GXYLT1: variants seen among roughly 807,000 people sequenced by gnomAD.
GXYLT1 encodes glucoside xylosyltransferase 1.
In GXYLT1, 29 loss-of-function variants were observed where a neutral mutation model predicts 54.0. The observed-to-expected ratio is 0.54, with a 90% CI of 0.40 to 0.73. The LOEUF (loss-of-function observed/expected upper bound fraction) is 0.73, where lower values mean the gene tolerates loss of function less well. GXYLT1 is among the 30% of genes least tolerant of loss of function. The probability of loss-of-function intolerance (pLI) is 0.00; values close to 1 mark genes in which losing one functional copy is unlikely to be tolerated. For missense variants in GXYLT1, 490 were observed against 553.4 expected (o/e 0.89, Z 1.15); for synonymous variants, 176 against 204.1 (o/e 0.86, Z 1.17).
At chr12:42,115,554 C>T (rs1215609843) in intron 3 of GXYLT1, among the ~76,000 whole-genome samples, 1 of 152,080 alleles carries the variant, frequency 6.6e-6, no homozygotes, top group Non-Finnish European at 1.5e-5. Flanking sequence ...AAGAAAATAC[C>T]TAGGAATCCA....
intron 3 of GXYLT1, among the ~76,000 whole-genome samples, chr12:42,111,251 T>A (rs1226712043): frequency 6.6e-6 from 1 of 152,198 alleles, no homozygotes; most frequent in Non-Finnish European, 1.5e-5. Context: ...GGTACCGGGT[T>A]CATCTCACTG....
chr12:42,098,881 T>C (rs2065373831), intron 5 of GXYLT1, among the ~76,000 whole-genome samples: 1 of 151,432 alleles, frequency 6.6e-6, no homozygotes, highest in Non-Finnish European at 1.5e-5. Context: ...TTCCATTTTA[T>C]ATTCTAAAAG....
At chr12:42,112,195 A>C (rs1184252032) in intron 3 of GXYLT1, among the ~76,000 whole-genome samples, 1 of 152,208 alleles carries the variant, frequency 6.6e-6, no homozygotes, top group Non-Finnish European at 1.5e-5. Context: ...AGATGGGGAA[A>C]AAAACAGAGC....
intron 2 of GXYLT1, among the ~76,000 whole-genome samples, chr12:42,123,782 A>G (rs2065545015): frequency 1.3e-5 from 2 of 152,098 alleles, no homozygotes; most frequent in Admixed American, 1.3e-4. Flanking sequence ...TCAAATAACC[A>G]TCTACTAAAA....
chr12:42,133,837 C>A (rs7298660), intron 1 of GXYLT1, among the ~76,000 whole-genome samples: 1,697 of 152,202 alleles, frequency 0.011, 30 homozygotes, highest in African/African-American at 0.038. Flanking sequence ...AGAGACCTAA[C>A]CAACACCCAG....
intron 3 of GXYLT1, among the ~76,000 whole-genome samples, chr12:42,112,937 C>G (rs1379200688): frequency 1.3e-5 from 2 of 151,230 alleles, no homozygotes; most frequent in African/African-American, 4.9e-5. Flanking sequence ...GATCTCTCGG[C>G]AGAAACTCTA....
chr12:42,095,213 C>A (rs954268733), intron 7 of GXYLT1, among the ~76,000 whole-genome samples: 1 of 152,114 alleles, frequency 6.6e-6, no homozygotes, highest in African/African-American at 2.4e-5. Flanking sequence ...TACAAACAAT[C>A]CCTATGGAGG....
intron 7 of GXYLT1, among the ~76,000 whole-genome samples, chr12:42,091,702 CA>C (rs2065330256): frequency 6.6e-6 from 1 of 152,180 alleles, no homozygotes; most frequent in Non-Finnish European, 1.5e-5. Flanking sequence ...GTTTATAGGA[CA>C]AGAAACTTAG....
rs1171497890 is a variant in GXYLT1, at chr12:42,084,980, C to T, written c.*2806G>A. On this transcript the variant is annotated 3_prime_UTR_variant, in exon 8 of 8. Coordinates refer to ENST00000398675, the MANE Select transcript of GXYLT1 (RefSeq NM_173601.2). Reference sequence around the variant, plus strand: ...TAATAAATCATGTAGTTTATATAAACTGCATAGATACACTATGTTTTATGA... The same window carrying T: ...TAATAAATCATGTAGTTTATATAAATTGCATAGATACACTATGTTTTATGA... 6.6e-6 allele frequency: 1 copy of T among 152,004 alleles called. No homozygotes were observed. The highest frequency in any genetic ancestry group is 1.5e-5 in the Non-Finnish European group (1 of 67,994). 9.4% of individuals were successfully genotyped at this position (152,004 alleles called of 1,614,324 possible).
At chr12:42,107,306 G>A (rs2065427053) in intron 4 of GXYLT1, among the ~76,000 whole-genome samples, 1 of 152,050 alleles carries the variant, frequency 6.6e-6, no homozygotes, top group Admixed American at 6.5e-5. Context: ...CTCACTATCA[G>A]CTGATTTAAT....
chr12:42,109,829 C>A, intron 3 of GXYLT1, 138 bp from the exon 4 acceptor site: 2 of 539,902 alleles, frequency 3.7e-6, no homozygotes. Context: ...AGGAAAGATT[C>A]TTCTGTTCCA....
intron 7 of GXYLT1, among the ~76,000 whole-genome samples, chr12:42,088,896 CAA>C (rs757592373): frequency 1.3e-5 from 2 of 149,944 alleles, no homozygotes; most frequent in African/African-American, 2.4e-5. Context: ...AGAACCACCC[CAA>C]GCACACTTAG....
At chr12:42,130,955 C>A (rs2136916366) in intron 1 of GXYLT1, among the ~76,000 whole-genome samples, 1 of 151,906 alleles carries the variant, frequency 6.6e-6, no homozygotes, top group African/African-American at 2.4e-5. Flanking sequence ...CTGTCTCAAA[C>A]AAAAACAAAA....
rs145133848 is a variant in GXYLT1, at chr12:42,107,461, C to T, written c.613-1392G>A. Among the ~76,000 whole-genome samples the T allele has an allele frequency of 5.9e-5, 9 of 152,250 alleles. No individual in the cohort carries two copies. In the East Asian group the frequency reaches 1.2e-3, roughly 20 times the overall value. On this transcript the variant is annotated intron_variant, in intron 4 of 7. Transcript: ENST00000398675. The stretch of plus-strand genomic sequence containing the variant: ...ATCCTAGCACTTTGGGAGGCTGAGG[C>T]GGGCAGATCACCTGAGGTCAGGGCT...
chr12:42,123,227 G>A (rs951426029), intron 2 of GXYLT1, among the ~76,000 whole-genome samples: 1 of 152,048 alleles, frequency 6.6e-6, no homozygotes, highest in Non-Finnish European at 1.5e-5. Flanking sequence ...AATAGGAATA[G>A]GAATATATAT....
At chr12:42,124,636 C>CA (rs1404010515) in intron 2 of GXYLT1, among the ~76,000 whole-genome samples, 1 of 152,208 alleles carries the variant, frequency 6.6e-6, no homozygotes, top group East Asian at 1.9e-4. Flanking sequence ...CAAGTACACT[C>CA]ACACAATGCT....
chr12:42,130,347 A>G (rs1362315707), intron 1 of GXYLT1, among the ~76,000 whole-genome samples: 3 of 152,218 alleles, frequency 2.0e-5, no homozygotes, highest in Non-Finnish European at 4.4e-5. Flanking sequence ...AAAATAAAAC[A>G]TAACAGCCAA....
Position 42,109,548 on chromosome 12 carries a change from C to T in GXYLT1, c.612+18G>A. On this transcript the variant is annotated intron_variant, in intron 4 of 7. Transcript: ENST00000398675. ...TAAAAAAAAAAAAAAAAAAAAGACACTAGGGGAAAAAACTTACCGGCAAGA... is the reference window on the plus strand; with the variant it reads ...TAAAAAAAAAAAAAAAAAAAAGACATTAGGGGAAAAAACTTACCGGCAAGA... The T allele has an allele frequency of 7.8e-7, 1 of 1,286,304 alleles. No individual in the cohort carries two copies. Among genetic ancestry groups the T allele is most frequent in the South Asian group, 1.7e-5 (1 of 58,736 alleles). 79.7% of individuals were successfully genotyped at this position (1,286,304 alleles called of 1,614,324 possible).
At chr12:42,125,509 G>T (rs138312246) in intron 2 of GXYLT1, among the ~76,000 whole-genome samples, 2 of 152,264 alleles carry the variant, frequency 1.3e-5, no homozygotes, top group African/African-American at 4.8e-5. Flanking sequence ...AGCGTTAGAG[G>T]AGTCCAGGAG....
Sources: gnomAD v4.1 joint callset for allele counts (sites outside exome capture counted in the v4.1 genomes callset) on GRCh38, gnomAD v4.1.1 for gene constraint, MANE v1.5 for transcripts, NCBI Gene and HGNC (gene_info 2026-07-23, HGNC 2026-07-21) for gene names.